The following TMBIM6 variants were observed in gnomAD, a reference collection of about 807,000 sequenced individuals.
TMBIM6 encodes transmembrane BAX inhibitor motif containing 6, also known as bax inhibitor 1.
TMBIM6 carries 13 observed loss-of-function variants against 31.4 expected under a neutral mutation model. That is an observed-to-expected ratio of 0.41 (90% confidence interval 0.27 to 0.66). The LOEUF is 0.66. Among genes scored for constraint, TMBIM6 ranks in the 30% least tolerant of loss-of-function variants. The probability of loss-of-function intolerance (pLI) is 0.28; values close to 1 mark genes in which losing one functional copy is unlikely to be tolerated. For synonymous variants in TMBIM6, 85 were observed against 101.7 expected, an observed-to-expected ratio of 0.84 and a Z score of 0.99; for missense variants, 275 against 289.5, an observed-to-expected ratio of 0.95 and a Z score of 0.36.
At chr12:49,751,531 C>G (rs1366779798) in intron 1 of TMBIM6, among the ~76,000 whole-genome samples, 1 of 152,066 alleles carries the variant, frequency 6.6e-6, no homozygotes, top group Non-Finnish European at 1.5e-5. Context: ...CCCAAAAAAT[C>G]CTCCTTTCTG....
chr12:49,742,030 C>A, intron 1 of TMBIM6: 1 of 1,484,030 alleles, frequency 6.7e-7, no homozygotes, highest in Non-Finnish European at 9.0e-7. Flanking sequence ...GAACGCGAAA[C>A]TCCACCCATC....
intron 3 of TMBIM6, among the ~76,000 whole-genome samples, chr12:49,754,877 C>T (rs910291773): frequency 5.9e-5 from 9 of 152,182 alleles, no homozygotes; most frequent in Non-Finnish European, 1.3e-4. Flanking sequence ...CCAGAAATAA[C>T]TACTGTTAAC....
At chr12:49,748,888 GT>G in intron 1 of TMBIM6, among the ~76,000 whole-genome samples, 1 of 146,036 alleles carries the variant, frequency 6.8e-6, no homozygotes, top group South Asian at 2.1e-4. Context: ...ATTTTAATGT[GT>G]TTTTTTAAAA....
chr12:49,741,822 G>A (rs1325211623), intron 1 of TMBIM6: 2 of 381,422 alleles, frequency 5.2e-6, no homozygotes, highest in Non-Finnish European at 9.6e-6. Flanking sequence ...GTGCTGAAGC[G>A]GGGGTGGGGC....
At chr12:49,742,077 G>C (rs897737934) in intron 1 of TMBIM6, 86 of 1,575,154 alleles carry the variant, frequency 5.5e-5, no homozygotes, top group Non-Finnish European at 7.3e-5. Flanking sequence ...CCTTTGGTCG[G>C]GCTGACCCTG....
In TMBIM6 at chr12:49,761,355, A is replaced by G. The variant is rs368619501; in HGVS notation, c.615-349A>G. On this transcript the variant is annotated intron_variant, in intron 8 of 9. Transcript: ENST00000267115. The stretch of plus-strand genomic sequence containing the variant: ...CAGCCTCCTCAGTAGCTGGGATTAC[A>G]GGCACATGCCACAATGCCCTGCTAA... Among the ~76,000 whole-genome samples, 19 of 152,284 alleles carry G rather than the reference A, an allele frequency of 1.2e-4. No individual in the cohort carries two copies. The East Asian group carries it at 2.3e-3, about 19-fold the overall frequency.
At chr12:49,748,424 A>G (rs150808444) in intron 1 of TMBIM6, among the ~76,000 whole-genome samples, 69 of 152,202 alleles carry the variant, frequency 4.5e-4, no homozygotes, top group Non-Finnish European at 9.0e-4. Flanking sequence ...AACTCAAACA[A>G]TTGTGTTTAC....
Position 49,759,283 on chromosome 12 carries a change from T to G in TMBIM6, c.576T>G (p.Ile192Met). ...CGFVLFDTQLIIEKAEHGDQD... is the reference protein window; with the variant it reads ...CGFVLFDTQLMIEKAEHGDQD... ...TCGTCCTTTTTGATACTCAACTCATTATTGAAAAGGCCGAACATGGAGATC... is the reference window on the plus strand; with the variant it reads ...TCGTCCTTTTTGATACTCAACTCATGATTGAAAAGGCCGAACATGGAGATC... Residue 192 changes from isoleucine (I) to methionine (M), a missense_variant, in exon 8 of 10, where the codon ATT becomes ATG. Coordinates refer to ENST00000267115, the MANE Select transcript of TMBIM6 (RefSeq NM_003217.3). The G allele has an allele frequency of 6.2e-7, 1 of 1,614,158 alleles. No individual in the cohort carries two copies. Among genetic ancestry groups the G allele is most frequent in the South Asian group, 1.1e-5 (1 of 91,082 alleles).
chr12:49,744,161 A>G (rs1265873171), intron 1 of TMBIM6, among the ~76,000 whole-genome samples: 1 of 152,190 alleles, frequency 6.6e-6, no homozygotes, highest in South Asian at 2.1e-4. Context: ...ATTGAAGGTG[A>G]TACATATATA....
Position 49,755,770 on chromosome 12 carries a change from T to C in TMBIM6, c.286+15T>C, listed in dbSNP as rs1037388650. 3 of 1,610,664 alleles carry C rather than the reference T, an allele frequency of 1.9e-6. No individual in the cohort carries two copies. In the Admixed American group the frequency reaches 5.1e-5, roughly 27 times the overall value. ...ATTCCTTACAGGTACGTTAAGGGAT[T>C]TGTCTAATTTTGAGGGGTGAGCTAT... On this transcript the variant is annotated intron_variant, in intron 4 of 9. Coordinates refer to ENST00000267115, the MANE Select transcript of TMBIM6 (RefSeq NM_003217.3).
Position 49,758,474 on chromosome 12 carries a change from C to A in TMBIM6, c.427C>A (p.Leu143Met), listed in dbSNP as rs771134201. The change falls in exon 6 of 10, where the codon CTG (leucine) becomes ATG (methionine). Residue 143 changes from leucine (L) to methionine (M), a missense_variant. Leu to Met is a conservative substitution (Grantham distance 15). Transcript: ENST00000267115. The stretch of plus-strand genomic sequence containing the variant: ...TGCCAGGCGCCGTAGCTACCTCTTT[C>A]TGGGAGGTAAGTGTGAACTGGGAAA... ...LYARRRSYLFLGGILMSALSL... is the reference protein window; with the variant it reads ...LYARRRSYLFMGGILMSALSL... The A allele has an allele frequency of 6.2e-7, 1 of 1,614,010 alleles. No individual in the cohort carries two copies. Among genetic ancestry groups the A allele is most frequent in the East Asian group, 2.2e-5 (1 of 44,884 alleles).
intron 4 of TMBIM6, among the ~76,000 whole-genome samples, chr12:49,756,824 C>T (rs1244798385): frequency 6.6e-6 from 1 of 152,002 alleles, no homozygotes; most frequent in Non-Finnish European, 1.5e-5. Flanking sequence ...GCAGCCTCCA[C>T]CTCCCAGGTT....
In TMBIM6 at chr12:49,752,910, C is replaced by G. The variant is rs1945520996; in HGVS notation, c.57-63C>G. The stretch of plus-strand genomic sequence containing the variant: ...CAGGAAGGGAAAGAGAGAAATGATT[C>G]TTCTTAGCTTAAATATGAGATTGAT... On this transcript the variant is annotated intron_variant, in intron 2 of 9. Coordinates refer to ENST00000267115, the MANE Select transcript of TMBIM6 (RefSeq NM_003217.3). 3 of 1,441,088 alleles carry G rather than the reference C, an allele frequency of 2.1e-6. No individual in the cohort carries two copies. The Admixed American group carries it at 6.0e-5, about 29-fold the overall frequency. 89.3% of individuals were successfully genotyped at this position (1,441,088 alleles called of 1,614,324 possible). A position where few individuals can be genotyped will look rare whatever the true frequency, so the allele number is the denominator to read the frequency against.
intron 8 of TMBIM6, among the ~76,000 whole-genome samples, chr12:49,760,947 C>A (rs1945707867): frequency 6.6e-6 from 1 of 152,036 alleles, no homozygotes; most frequent in Non-Finnish European, 1.5e-5. Context: ...TCAGGTGTTT[C>A]TCCTGCCTTA....
At chr12:49,759,392 G>C (rs566094747) in intron 8 of TMBIM6, 71 bp downstream of exon 8, 192 of 1,358,790 alleles carry the variant, frequency 1.4e-4, no homozygotes, top group Non-Finnish European at 1.8e-4. Context: ...AACTTAGGTT[G>C]GCATTGGCTG....
At position 49,759,449 on chromosome 12, in the gene TMBIM6, G is replaced by A. The variant is rs1050663038; in HGVS notation, c.614+128G>A. The A allele has an allele frequency of 2.8e-5, 20 of 726,086 alleles. No homozygotes were observed. The Admixed American group carries it at 3.0e-4, about 11-fold the overall frequency. The allele number at this position is 726,086 out of a possible 1,614,324, so 45.0% of individuals were successfully genotyped here. On this transcript the variant is annotated intron_variant, in intron 8 of 9. Transcript: ENST00000267115. ...GGAGTGTATGTGGTAGGAAACCCAC[G>A]GTTTTGGAACTGTGTACCATAATCT...
chr12:49,755,323 C>T (rs1248931393), intron 3 of TMBIM6, among the ~76,000 whole-genome samples: 2 of 152,200 alleles, frequency 1.3e-5, no homozygotes, highest in East Asian at 1.9e-4. Flanking sequence ...GCACTTGTCA[C>T]GTTTCATTCA....
chr12:49,760,832 A>G (rs574915548), intron 8 of TMBIM6, among the ~76,000 whole-genome samples: 6 of 148,636 alleles, frequency 4.0e-5, no homozygotes, highest in African/African-American at 1.5e-4. Flanking sequence ...ATGGGCCACC[A>G]TGCCCAGCTC....
chr12:49,759,367 A>C (rs546474154), intron 8 of TMBIM6, 46 bp downstream of exon 8: 1 of 1,519,324 alleles, frequency 6.6e-7, no homozygotes, highest in South Asian at 1.1e-5. Flanking sequence ...GTTGAGGCAT[A>C]CCGTTCAGCA....
Sources: gnomAD v4.1 joint callset for allele counts (sites outside exome capture counted in the v4.1 genomes callset) on GRCh38, gnomAD v4.1.1 for gene constraint, MANE v1.5 for transcripts, NCBI Gene and HGNC (gene_info 2026-07-23, HGNC 2026-07-21) for gene names.